The following OPRM1 variants were observed in gnomAD, a reference collection of about 807,000 sequenced individuals.
OPRM1 encodes opioid receptor mu 1.
Under a neutral mutation model 31.8 loss-of-function variants are expected in OPRM1, and 27 were observed. The observed-to-expected ratio is 0.85, with a 90% CI of 0.63 to 1.17. The LOEUF is 1.17. Ranked by LOEUF, OPRM1 falls within the 50% of genes most tolerant of loss-of-function variation. OPRM1 has a pLI of 0.00. For synonymous variants in OPRM1, 196 were observed against 189.9 expected (o/e 1.03, Z -0.26); for missense variants, 536 against 511.1 (o/e 1.05, Z -0.47).
chr6:154,200,298 C>T (rs1387337401), intron 3 of OPRM1, among the ~76,000 whole-genome samples: 1 of 152,190 alleles, frequency 6.6e-6, no homozygotes, highest in Non-Finnish European at 1.5e-5. Context: ...TTGTCCTATT[C>T]TTCAATGCTC....
chr6:154,227,309 T>C (rs1779334562), intron 3 of OPRM1, among the ~76,000 whole-genome samples: 1 of 152,186 alleles, frequency 6.6e-6, no homozygotes, highest in Non-Finnish European at 1.5e-5. Flanking sequence ...GCATGATTAG[T>C]TTCTAGACAA....
At chr6:154,089,052 T>C (rs994681247) in intron 1 of OPRM1, among the ~76,000 whole-genome samples, 6 of 152,234 alleles carry the variant, frequency 3.9e-5, no homozygotes, top group Admixed American at 6.5e-5. Flanking sequence ...CCTTATGCTC[T>C]GTGAGATGCC....
rs201536408 is a variant in OPRM1 at position 154,057,544 on chromosome 6, T to C, written c.290+17710T>C. On this transcript the variant is annotated intron_variant, in intron 1 of 3. Coordinates refer to ENST00000330432, the MANE Select transcript of OPRM1 (RefSeq NM_000914.5). ...TAAGTCTTTATTCCATTTCTCAAAT[T>C]TTGTTAAAGGTATTATTTATGTCTC... is the stretch of plus-strand genomic sequence containing the variant. Among the ~76,000 whole-genome samples, 13 of 152,308 alleles carry C rather than the reference T, an allele frequency of 8.5e-5. No individual in the cohort carries two copies. The East Asian group carries it at 2.5e-3, about 29-fold the overall frequency.
chr6:154,073,668 A>G (rs1787261043), intron 1 of OPRM1: 1 of 152,320 alleles, frequency 6.6e-6, no homozygotes, highest in African/African-American at 2.4e-5. Context: ...AAGAATTTAC[A>G]CTTGAGGAAA....
At chr6:154,155,485 G>C (rs189763808) in intron 3 of OPRM1, 1 of 152,286 alleles carries the variant, frequency 6.6e-6, no homozygotes, top group Admixed American at 6.5e-5. Context: ...ATTAAATCAT[G>C]TATGTGGCTA....
intron 3 of OPRM1, among the ~76,000 whole-genome samples, chr6:154,202,686 A>T (rs1050025501): frequency 2.8e-4 from 43 of 152,186 alleles, no homozygotes; most frequent in African/African-American, 1.0e-3. Flanking sequence ...TTGAACCTCA[A>T]AACTCTGCTT....
intron 3 of OPRM1, among the ~76,000 whole-genome samples, chr6:154,165,613 T>C (rs1799364646): frequency 2.6e-5 from 4 of 152,196 alleles, no homozygotes; most frequent in African/African-American, 7.2e-5. Flanking sequence ...GAAAGAGCAG[T>C]TCCCTAGCTG....
chr6:154,166,634 T>A (rs1222176815), intron 3 of OPRM1, among the ~76,000 whole-genome samples: 1 of 152,182 alleles, frequency 6.6e-6, no homozygotes, highest in African/African-American at 2.4e-5. Flanking sequence ...TTTAATCATG[T>A]ATTTGTTTTC....
At chr6:154,137,072 G>A (rs2010884), downstream of OPRM1, among the ~76,000 whole-genome samples, 27,547 of 152,014 alleles carry the variant, frequency 0.18, 2,788 homozygotes, top group East Asian at 0.36. Context: ...CTAGTATCTC[G>A]TTTCACAGAT....
intron 1 of OPRM1, among the ~76,000 whole-genome samples, chr6:154,012,659 G>C (rs1180821952): frequency 1.3e-5 from 2 of 151,912 alleles, no homozygotes; most frequent in Admixed American, 6.6e-5. Context: ...GTTAAAATAG[G>C]GTCTATGACA....
At chr6:154,217,250 T>A (rs1328426169) in intron 3 of OPRM1, 1 of 161,282 alleles carries the variant, frequency 6.2e-6, no homozygotes, top group Non-Finnish European at 1.4e-5. Flanking sequence ...ATTCAAGGGT[T>A]TAGATGTAGA....
In OPRM1 at chr6:154,168,767, G is replaced by A. The variant is rs942316062; in HGVS notation, c.1164+77295G>A. ...ATTACAGGCACCTGCCACCATGCCCGGCTCATTTTTATATTTTTAGTACAG... is the reference window on the plus strand; with the variant it reads ...ATTACAGGCACCTGCCACCATGCCCAGCTCATTTTTATATTTTTAGTACAG... On this transcript the variant is annotated intron_variant, in intron 3 of 3. Transcript: ENST00000337049. This position sits in a 1 kb window ranked among gnomAD's most constrained non-coding sequence, Gnocchi z 4.1. Among the ~76,000 whole-genome samples the A allele has an allele frequency of 9.2e-5, 14 of 151,630 alleles. No individual in the cohort carries two copies. The highest frequency in any genetic ancestry group is 1.7e-4 in the African/African-American group (7 of 41,280).
In OPRM1 at chr6:154,039,355, G is replaced by C; in HGVS notation, c.-190G>C. On this transcript the variant is annotated 5_prime_UTR_variant, in exon 1 of 4. Coordinates refer to ENST00000330432, the MANE Select transcript of OPRM1 (RefSeq NM_000914.5). ...AGGTGGGAGGGGGCTATACGCAGAGGAGAATGTCAGATGCTCAGCTCGGTC... is the reference window on the plus strand; with the variant it reads ...AGGTGGGAGGGGGCTATACGCAGAGCAGAATGTCAGATGCTCAGCTCGGTC... The C allele has an allele frequency of 6.5e-7, 1 of 1,545,754 alleles. No individual in the cohort carries two copies. The highest frequency in any genetic ancestry group is 2.5e-5 in the East Asian group (1 of 40,802).
upstream of OPRM1, among the ~76,000 whole-genome samples, chr6:154,037,603 C>T (rs1487945195): frequency 2.0e-5 from 3 of 152,004 alleles, no homozygotes; most frequent in African/African-American, 4.8e-5. Flanking sequence ...TAATGTTTAA[C>T]TTGCAAAAGA....
intron 3 of OPRM1, among the ~76,000 whole-genome samples, chr6:154,192,358 ATGTG>A (rs1022939800): frequency 1.1e-5 from 1 of 91,556 alleles, no homozygotes; most frequent in Admixed American, 9.4e-5. Flanking sequence ...GTGTGTATGC[ATGTG>A]TGTGTATTTA....
intron 3 of OPRM1, chr6:154,094,230 C>G (rs766124274): frequency 6.2e-6 from 8 of 1,287,380 alleles, no homozygotes; most frequent in Non-Finnish European, 8.1e-6. Flanking sequence ...CAATATCAAA[C>G]CTTCCCAGGG....
At chr6:154,180,126 CAA>C (rs1422602777) in intron 3 of OPRM1, among the ~76,000 whole-genome samples, 1 of 152,062 alleles carries the variant, frequency 6.6e-6, no homozygotes, top group Non-Finnish European at 1.5e-5. Flanking sequence ...AAAACCAAAA[CAA>C]GAGAATGAAA....
At chr6:154,142,477 G>A (rs1798244596) in intron 3 of OPRM1, among the ~76,000 whole-genome samples, 1 of 152,086 alleles carries the variant, frequency 6.6e-6, no homozygotes, top group Non-Finnish European at 1.5e-5. Context: ...AACACACTGT[G>A]TACTCTTGTC....
chr6:154,091,299 A>T lies in OPRM1; in HGVS notation c.991A>T (p.Ser331Cys). 6.2e-7 allele frequency: 1 copy of T among 1,614,240 alleles called. No homozygotes were observed. The highest frequency in any genetic ancestry group is 8.5e-7 in the Non-Finnish European group (1 of 1,180,038). ...CTGCATTGCTCTAGGTTACACAAAC[A>T]GCTGCCTCAACCCAGTCCTTTATGC... ...HFCIALGYTNSCLNPVLYAFL... is the reference protein window; with the variant it reads ...HFCIALGYTNCCLNPVLYAFL... The change falls in exon 3 of 4, where the codon AGC (serine) becomes TGC (cysteine). Residue 331 changes from serine to cysteine, a missense_variant. Ser to Cys is a moderately radical substitution (Grantham distance 112). Coordinates refer to ENST00000330432, the MANE Select transcript of OPRM1 (RefSeq NM_000914.5).
Sources: allele counts gnomAD v4.1 joint callset (sites outside exome capture counted in the v4.1 genomes callset), GRCh38; gene constraint gnomAD v4.1.1; non-coding constraint Gnocchi (gnomAD v3.1); transcripts MANE v1.5; gene names NCBI Gene and HGNC (gene_info 2026-07-23, HGNC 2026-07-21).